The following CUTC variants were observed in gnomAD, a reference collection of about 807,000 sequenced individuals.
CUTC encodes copper homeostasis protein cutC homolog.
In CUTC, 27 loss-of-function variants were observed where a neutral mutation model predicts 36.2. That is an observed-to-expected ratio of 0.75 (90% CI 0.55 to 1.03). The LOEUF is 1.03. CUTC is among the 50% of genes least tolerant of loss of function. The probability of loss-of-function intolerance (pLI) is 0.00; values close to 1 mark genes in which losing one functional copy is unlikely to be tolerated. For missense variants in CUTC, 315 were observed against 343.5 expected (o/e 0.92, Z 0.66); for synonymous variants, 114 against 118.3 (o/e 0.96, Z 0.24).
At chr10:99,732,470 G>T in intron 1 of CUTC, 61 bp downstream of exon 1, 1 of 1,547,062 alleles carries the variant, frequency 6.5e-7, no homozygotes, top group Non-Finnish European at 8.7e-7. Flanking sequence ...GGGCCGGCGG[G>T]AGTCGTAGTC....
chr10:99,750,982 A>G (rs1313227772), intron 7 of CUTC, among the ~76,000 whole-genome samples: 1 of 152,246 alleles, frequency 6.6e-6, no homozygotes, highest in East Asian at 1.9e-4. Context: ...AATACAACAT[A>G]GAAGAGTGAG....
chr10:99,732,433 G>A (rs1590113570), intron 1 of CUTC, 24 bp downstream of exon 1: 1 of 1,549,442 alleles, frequency 6.5e-7, no homozygotes, highest in East Asian at 2.4e-5. Flanking sequence ...CGGGGGAGGG[G>A]ACGGTCGGCC....
At chr10:99,732,710 GA>G (rs1262708911) in intron 1 of CUTC, 2 of 1,083,860 alleles carry the variant, frequency 1.8e-6, no homozygotes, top group African/African-American at 1.6e-5. Context: ...GTCGCCACAC[GA>G]GGATGCCAGT....
chr10:99,746,041 A>G (rs1404575671), intron 5 of CUTC, among the ~76,000 whole-genome samples: 1 of 152,206 alleles, frequency 6.6e-6, no homozygotes, highest in Non-Finnish European at 1.5e-5. Flanking sequence ...TACCTAGTCC[A>G]ATATTTCTGA....
chr10:99,735,101 CAAAAAAAAAAA>C (rs56971127), intron 1 of CUTC, among the ~76,000 whole-genome samples: 2 of 68,770 alleles, frequency 2.9e-5, no homozygotes, highest in Non-Finnish European at 5.0e-5. Flanking sequence ...GACTCTGTAT[CAAAAAAAAAAA>C]AAAAAAAAAA....
Position 99,747,331 on chromosome 10 carries a change from AG to A in CUTC, c.515del (p.Ser172MetfsTer8). 6.2e-7 allele frequency: 1 copy of A among 1,613,898 alleles called. No individual in the cohort carries two copies. Among genetic ancestry groups the A allele is most frequent in the Non-Finnish European group, 8.5e-7 (1 of 1,179,882 alleles). ...LTLGFERVLT[S>X]GCDSSALEGL... ...CTTGGGATTTGAACGCGTGTTGACC[AG>A]TGGATGTGACAGTTCAGCATTAGAA... On this transcript the variant is annotated frameshift_variant, in exon 6 of 9. Transcript: ENST00000370476. LOFTEE classifies it high-confidence loss of function.
intron 3 of CUTC, among the ~76,000 whole-genome samples, chr10:99,740,258 G>A (rs1352878838): frequency 1.3e-5 from 2 of 152,036 alleles, no homozygotes; most frequent in Non-Finnish European, 1.5e-5. Context: ...ATTCCTTTGT[G>A]TAGATCCCGT....
chr10:99,732,619 C>A, intron 1 of CUTC: 1 of 1,421,134 alleles, frequency 7.0e-7, no homozygotes, highest in Non-Finnish European at 9.2e-7. Flanking sequence ...GCTGTGGAGC[C>A]AAGGTTCGAG....
At chr10:99,752,208 C>T (rs2037424250) in intron 7 of CUTC, among the ~76,000 whole-genome samples, 1 of 152,032 alleles carries the variant, frequency 6.6e-6, no homozygotes, top group African/African-American at 2.4e-5. Flanking sequence ...TAGTAAGACA[C>T]CATCTTTACC....
intron 7 of CUTC, among the ~76,000 whole-genome samples, chr10:99,753,000 C>G (rs533162257): frequency 1.6e-4 from 25 of 152,216 alleles, no homozygotes; most frequent in Non-Finnish European, 2.9e-4. Context: ...GGTAGTTGCC[C>G]TCTAGGAACT....
intron 2 of CUTC, 123 bp from the exon 3 acceptor site, chr10:99,739,587 T>C (rs2133666366): frequency 1.2e-6 from 1 of 850,360 alleles, no homozygotes; most frequent in Non-Finnish European, 1.8e-6. Flanking sequence ...AGCTTTATAA[T>C]TTGATTTCTC....
chr10:99,739,072 C>CT (rs1358607551), intron 2 of CUTC, among the ~76,000 whole-genome samples: 1 of 152,030 alleles, frequency 6.6e-6, no homozygotes, highest in African/African-American at 2.4e-5. Flanking sequence ...TGAATTTGTT[C>CT]TCTGTCTTCC....
intron 4 of CUTC, 47 bp downstream of exon 4, chr10:99,743,409 T>C: frequency 2.0e-6 from 3 of 1,531,896 alleles, no homozygotes; most frequent in South Asian, 2.2e-5. Context: ...GATAATTGTA[T>C]TTATGCTCAC....
intron 5 of CUTC, 115 bp downstream of exon 5, chr10:99,744,187 G>A (rs759583581): frequency 1.3e-6 from 1 of 760,368 alleles, no homozygotes; most frequent in Non-Finnish European, 2.1e-6. Flanking sequence ...TTACCAATTG[G>A]TTTTTTAGAT....
chr10:99,736,259 A>T lies in CUTC; in HGVS notation c.75A>T (p.Gly25=). The T allele has an allele frequency of 1.2e-6, 2 of 1,613,896 alleles. No individual in the cohort carries two copies. The highest frequency in any genetic ancestry group is 1.7e-6 in the Non-Finnish European group (2 of 1,179,838). The change falls in exon 2 of 9, where the codon GGA becomes GGT. Residue 25 remains glycine, a synonymous_variant. Transcript: ENST00000370476. Reference sequence around the variant, plus strand: ...CATGTATTTTAGGAGCAGCAAATGGATTTCTCATGGAAGTTTGTGTTGATT... The same window carrying T: ...CATGTATTTTAGGAGCAGCAAATGGTTTTCTCATGGAAGTTTGTGTTGATT... ...IPSGKAGAAN[G]FLMEVCVDSV...
chr10:99,755,426 C>T (rs562864650), intron 8 of CUTC, among the ~76,000 whole-genome samples, 199 bp from the exon 9 acceptor site: 1 of 148,800 alleles, frequency 6.7e-6, no homozygotes, highest in African/African-American at 2.5e-5. Flanking sequence ...CTTACAATTC[C>T]AGATATAAAA....
At chr10:99,741,887 AAATCCTTTTTTT>A (rs2037344215) in intron 3 of CUTC, among the ~76,000 whole-genome samples, 1 of 152,126 alleles carries the variant, frequency 6.6e-6, no homozygotes, top group Non-Finnish European at 1.5e-5. Flanking sequence ...TTTTTAAAAA[AAATCCTTTTTTT>A]AAACCATTGA....
At chr10:99,754,691 C>T (rs2037442351) in intron 8 of CUTC, 57 bp downstream of exon 8, 1 of 1,301,364 alleles carries the variant, frequency 7.7e-7, no homozygotes, top group Admixed American at 1.8e-5. Flanking sequence ...TTACTTTCTC[C>T]CAAATAGAAA....
Position 99,747,387 on chromosome 10 carries a change from G to A in CUTC, c.570G>A (p.Glu190=), listed in dbSNP as rs2037385968. The A allele has an allele frequency of 1.2e-6, 2 of 1,614,032 alleles. No homozygotes were observed. Among genetic ancestry groups the A allele is most frequent in the South Asian group, 2.2e-5 (2 of 91,078 alleles). ...EGLPLIKRLI[E]QAKGRIVVMP... ...TACCCCTAATAAAGCGACTCATTGA[G>A]CAGGTACGTGGACTTTATCTTTTTT... is the stretch of plus-strand genomic sequence containing the variant. The change falls in exon 6 of 9, where the codon GAG becomes GAA. Residue 190 remains glutamate, a synonymous_variant. Transcript: ENST00000370476.
Sources: gnomAD v4.1 joint callset for allele counts (sites outside exome capture counted in the v4.1 genomes callset) on GRCh38, gnomAD v4.1.1 for gene constraint, MANE v1.5 for transcripts, NCBI Gene and HGNC (gene_info 2026-07-23, HGNC 2026-07-21) for gene names.